The following SYNDIG1 variants were observed in gnomAD, a reference collection of about 807,000 sequenced individuals.
SYNDIG1 encodes the protein synapse differentiation inducing 1.
Under a neutral mutation model 19.4 loss-of-function variants are expected in SYNDIG1, and 9 were observed. The observed-to-expected ratio is 0.46, with a 90% CI of 0.28 to 0.81. The LOEUF (loss-of-function observed/expected upper bound fraction) is 0.81, where lower values mean the gene tolerates loss of function less well. SYNDIG1 is among the 30% of genes least tolerant of loss of function. The pLI is 0.12. For synonymous variants in SYNDIG1, 141 were observed against 145.9 expected (o/e 0.97, Z 0.24); for missense variants, 311 against 343.3 (o/e 0.91, Z 0.74).
intron 1 of SYNDIG1, among the ~76,000 whole-genome samples, chr20:24,494,613 C>T (rs541905819): frequency 6.6e-6 from 1 of 151,352 alleles, no homozygotes; most frequent in Non-Finnish European, 1.5e-5. Flanking sequence ...GGGAACAGAC[C>T]CCCCCGGGAG....
chr20:24,550,372 G>A (rs879834078), intron 2 of SYNDIG1, among the ~76,000 whole-genome samples: 29 of 152,284 alleles, frequency 1.9e-4, no homozygotes, highest in Admixed American at 1.8e-3. Flanking sequence ...GGATTGTATG[G>A]TAGTTCTATT....
At chr20:24,521,639 T>G (rs2058814961) in intron 1 of SYNDIG1, among the ~76,000 whole-genome samples, 1 of 152,182 alleles carries the variant, frequency 6.6e-6, no homozygotes, top group Non-Finnish European at 1.5e-5. Flanking sequence ...GGCTCACACG[T>G]GTAATCCTAG....
intron 1 of SYNDIG1, chr20:24,502,187 G>A (rs2056471338): frequency 6.6e-6 from 1 of 152,310 alleles, no homozygotes; most frequent in South Asian, 2.1e-4. Context: ...CCCCTACCCA[G>A]TGCTTTCTGG....
Position 24,543,261 on chromosome 20 carries a change from C to T in SYNDIG1, c.164C>T (p.Ala55Val). The change falls in exon 2 of 4, where the codon GCC becomes GTC. Residue 55 changes from alanine to valine, a missense_variant. Transcript: ENST00000376862. ...CAGTACCAGAGCCACCGGGTGGGGGCCAGCACAGTGCCGGCCAGCCTGGAC... is the reference window on the plus strand; with the variant it reads ...CAGTACCAGAGCCACCGGGTGGGGGTCAGCACAGTGCCGGCCAGCCTGGAC... Reference protein sequence around the residue: ...APQYQSHRVGASTVPASLDSS... With the variant: ...APQYQSHRVGVSTVPASLDSS... 1 of 1,613,698 alleles carries T rather than the reference C, an allele frequency of 6.2e-7. No homozygotes were observed. Among genetic ancestry groups the T allele is most frequent in the South Asian group, 1.1e-5 (1 of 91,078 alleles).
chr20:24,575,227 G>A (rs1197788109), intron 2 of SYNDIG1, among the ~76,000 whole-genome samples: 2 of 152,324 alleles, frequency 1.3e-5, no homozygotes, highest in African/African-American at 4.8e-5. Flanking sequence ...TTGATGATGG[G>A]AATTGAGTCT....
chr20:24,654,692 G>A (rs559760944), intron 3 of SYNDIG1, among the ~76,000 whole-genome samples: 12 of 150,636 alleles, frequency 8.0e-5, no homozygotes, highest in African/African-American at 2.7e-4. Flanking sequence ...AAGGAAGGAA[G>A]GAAGGAAGAG....
intron 1 of SYNDIG1, chr20:24,495,880 T>A (rs2056289244): frequency 6.6e-6 from 1 of 152,240 alleles, no homozygotes; most frequent in Non-Finnish European, 1.5e-5. Context: ...AGTCTCACTC[T>A]GTTGCCCAAG....
intron 3 of SYNDIG1, among the ~76,000 whole-genome samples, chr20:24,659,597 G>C (rs1005288534): frequency 6.6e-6 from 1 of 152,344 alleles, no homozygotes; most frequent in East Asian, 1.9e-4. Flanking sequence ...TGGCCCGGAA[G>C]ATGAATAGTG....
intron 1 of SYNDIG1, among the ~76,000 whole-genome samples, chr20:24,502,835 G>C (rs544645449): frequency 4.6e-5 from 7 of 152,378 alleles, no homozygotes; most frequent in African/African-American, 1.7e-4. Context: ...AAGAAGAGAA[G>C]AGTGACAGTA....
intron 3 of SYNDIG1, among the ~76,000 whole-genome samples, chr20:24,589,377 A>T (rs2058470330): frequency 1.3e-5 from 2 of 152,224 alleles, no homozygotes; most frequent in Non-Finnish European, 2.9e-5. Flanking sequence ...TTAAAGCCAT[A>T]TTTTCTGCAA....
chr20:24,540,259 C>T (rs1181590723), intron 1 of SYNDIG1, among the ~76,000 whole-genome samples: 1 of 152,154 alleles, frequency 6.6e-6, no homozygotes, highest in Non-Finnish European at 1.5e-5. Flanking sequence ...AACTTTGTAT[C>T]CTGCTACTTT....
intron 3 of SYNDIG1, among the ~76,000 whole-genome samples, chr20:24,593,865 C>T (rs1202561458): frequency 6.6e-6 from 1 of 151,936 alleles, no homozygotes; most frequent in Non-Finnish European, 1.5e-5. Flanking sequence ...TGTCCTTTGC[C>T]CACTTTTTAA....
intron 1 of SYNDIG1, among the ~76,000 whole-genome samples, chr20:24,490,646 G>A (rs1196213204): frequency 1.3e-5 from 2 of 152,188 alleles, no homozygotes; most frequent in East Asian, 1.9e-4. Flanking sequence ...GATGAGAGAT[G>A]TGCAGTGCTC....
intron 1 of SYNDIG1, among the ~76,000 whole-genome samples, chr20:24,480,751 A>G (rs1467940010): frequency 6.6e-6 from 1 of 152,270 alleles, no homozygotes; most frequent in Non-Finnish European, 1.5e-5. Context: ...ATGAGCGGAT[A>G]AGCAAAATGT....
In SYNDIG1 at chr20:24,586,330, C is replaced by T. The variant is rs558219592; in HGVS notation, c.618+1337C>T. On this transcript the variant is annotated intron_variant, in intron 3 of 3. Transcript: ENST00000376862. ...GTCGGAGCTTCTCTTGTGACTTCGTCCCACAAATGCCACAGAACCCCTTCT... is the reference window on the plus strand; with the variant it reads ...GTCGGAGCTTCTCTTGTGACTTCGTTCCACAAATGCCACAGAACCCCTTCT... Among the ~76,000 whole-genome samples, 89 of 152,278 alleles carry T rather than the reference C, an allele frequency of 5.8e-4. 2 individuals carry two copies. In the South Asian group the frequency reaches 0.018, roughly 31 times the overall value.
At chr20:24,483,460 A>C (rs1304174926) in intron 1 of SYNDIG1, among the ~76,000 whole-genome samples, 2 of 152,212 alleles carry the variant, frequency 1.3e-5, no homozygotes. Flanking sequence ...TCTGTTTCTT[A>C]ATCATATTTT....
chr20:24,641,693 A>G (rs528279461), intron 3 of SYNDIG1, among the ~76,000 whole-genome samples: 17 of 152,136 alleles, frequency 1.1e-4, no homozygotes, highest in Non-Finnish European at 2.4e-4. Flanking sequence ...GGGCCGGCCT[A>G]TACCAAAGCT....
intron 2 of SYNDIG1, among the ~76,000 whole-genome samples, chr20:24,564,887 A>G (rs1031538865): frequency 6.6e-6 from 1 of 152,234 alleles, no homozygotes; most frequent in Non-Finnish European, 1.5e-5. Context: ...AGATTCCAGA[A>G]GAAAAGATGT....
chr20:24,540,900 AC>A (rs2057455918), intron 1 of SYNDIG1, among the ~76,000 whole-genome samples: 1 of 152,042 alleles, frequency 6.6e-6, no homozygotes, highest in Non-Finnish European at 1.5e-5. Context: ...GGTAATGCTG[AC>A]CTCATGGAAT....
Sources: gnomAD v4.1 joint callset for allele counts (sites outside exome capture counted in the v4.1 genomes callset) on GRCh38, gnomAD v4.1.1 for gene constraint, MANE v1.5 for transcripts, NCBI Gene and HGNC (gene_info 2026-07-23, HGNC 2026-07-21) for gene names.